The following C8orf34 variants were observed in gnomAD, a reference collection of about 807,000 sequenced individuals.
The protein encoded by C8orf34 is uncharacterized protein C8orf34.
In C8orf34, 65 loss-of-function variants were observed where a neutral mutation model predicts 68.3. That is an observed-to-expected ratio of 0.95 (90% CI 0.78 to 1.17). The LOEUF (loss-of-function observed/expected upper bound fraction) is 1.17. Among genes scored for constraint, C8orf34 ranks in the 50% most tolerant of loss-of-function variants. The pLI is 0.00. For missense variants in C8orf34, 664 were observed against 655.4 expected (o/e 1.01, Z -0.14); for synonymous variants, 244 against 241.2 (o/e 1.01, Z -0.11).
intron 1 of C8orf34, among the ~76,000 whole-genome samples, chr8:68,395,727 T>C (rs1285025555): frequency 6.6e-6 from 1 of 152,050 alleles, no homozygotes. Context: ...AACTATATTA[T>C]AAGAACAACT....
chr8:68,488,046 G>GATA lies in C8orf34; in HGVS notation c.762_764dup (p.Asp254_Lys255insAsn). On this transcript the variant is annotated inframe_insertion, in exon 5 of 14. Transcript: ENST00000518698. ...AGGTATTGCAATTTCAGATGAACTC[G>GATA]ATAAGGTAAGTTGAACTATACATCT... The GATA allele has an allele frequency of 1.9e-6, 3 of 1,589,976 alleles. No individual in the cohort carries two copies. Among genetic ancestry groups the GATA allele is most frequent in the Non-Finnish European group, 2.6e-6 (3 of 1,167,822 alleles).
At chr8:68,689,522 G>T (rs781305390) in intron 8 of C8orf34, among the ~76,000 whole-genome samples, 2 of 152,048 alleles carry the variant, frequency 1.3e-5, no homozygotes, top group South Asian at 2.1e-4. Flanking sequence ...TCGCCTTTCT[G>T]CAAGAAGCTC....
intron 3 of C8orf34, among the ~76,000 whole-genome samples, chr8:68,453,835 G>T (rs541378820): frequency 6.6e-6 from 1 of 152,062 alleles, no homozygotes; most frequent in Admixed American, 6.5e-5. Context: ...AAGCAGGAAG[G>T]TATCCTTTTC....
chr8:68,614,423 G>A (rs1196929330), intron 7 of C8orf34, among the ~76,000 whole-genome samples: 2 of 152,066 alleles, frequency 1.3e-5, no homozygotes, highest in Non-Finnish European at 2.9e-5. Context: ...ATGGTTTTAG[G>A]ACTAACATTT....
At chr8:68,741,931 A>G (rs1044907528) in intron 10 of C8orf34, among the ~76,000 whole-genome samples, 1 of 152,176 alleles carries the variant, frequency 6.6e-6, no homozygotes, top group Non-Finnish European at 1.5e-5. Flanking sequence ...TCAGTCACTG[A>G]GAATTTTGAC....
At chr8:68,466,672 C>T (rs895416469) in intron 3 of C8orf34, among the ~76,000 whole-genome samples, 3 of 148,426 alleles carry the variant, frequency 2.0e-5, no homozygotes, top group South Asian at 2.1e-4. Context: ...CAGGGTTTTG[C>T]GGCCATGAAA....
In C8orf34 at chr8:68,792,032, G is replaced by T. The variant is rs1212379459; in HGVS notation, c.1549+4496G>T. The T allele has an allele frequency of 2.0e-5, 3 of 152,028 alleles. No homozygotes were observed. The South Asian group carries it at 6.2e-4, about 32-fold the overall frequency. The allele number at this position is 152,028 out of a possible 1,614,324, so 9.4% of individuals were successfully genotyped here. On this transcript the variant is annotated intron_variant, in intron 12 of 13. Transcript: ENST00000518698. ...AAACCCCACATTATAATAACAATTG[G>T]CCAGCTTCATTAAAATTCACAGGGT...
At chr8:68,429,695 C>T (rs921868698) in intron 1 of C8orf34, among the ~76,000 whole-genome samples, 2 of 152,126 alleles carry the variant, frequency 1.3e-5, no homozygotes, top group Non-Finnish European at 2.9e-5. Context: ...GAAAATGAAT[C>T]AGACTAGAGC....
chr8:68,389,302 T>A (rs1808384703), intron 1 of C8orf34, among the ~76,000 whole-genome samples: 1 of 152,272 alleles, frequency 6.6e-6, no homozygotes, highest in Admixed American at 6.5e-5. Flanking sequence ...GCTCTTACTT[T>A]CCACATCTGT....
At chr8:68,793,624 T>C (rs1374168248) in intron 12 of C8orf34, among the ~76,000 whole-genome samples, 1 of 152,094 alleles carries the variant, frequency 6.6e-6, no homozygotes, top group Non-Finnish European at 1.5e-5. Context: ...TGAGAACACA[T>C]GGACACATGC....
intron 1 of C8orf34, among the ~76,000 whole-genome samples, chr8:68,391,064 G>A (rs1808461356): frequency 6.6e-6 from 1 of 152,104 alleles, no homozygotes; most frequent in South Asian, 2.1e-4. Context: ...ATAGATTAGT[G>A]TTTGATTAAA....
At position 68,451,085 on chromosome 8, in the gene C8orf34, C is replaced by T. The variant is rs545621310; in HGVS notation, c.607+4625C>T. Among the ~76,000 whole-genome samples, 22 of 152,236 alleles carry T rather than the reference C, an allele frequency of 1.4e-4. 1 individual carries two copies. The South Asian group carries it at 4.3e-3, about 30-fold the overall frequency. On this transcript the variant is annotated intron_variant, in intron 3 of 13. Coordinates refer to ENST00000518698, the MANE Select transcript of C8orf34 (RefSeq NM_052958.4). The stretch of plus-strand genomic sequence containing the variant: ...TCAGCACTTGCTACTTCATCTTACA[C>T]GTTTGTGTTATGGAGATGGCTTATT...
At chr8:68,707,736 T>G (rs1473714835) in intron 8 of C8orf34, among the ~76,000 whole-genome samples, 1 of 152,062 alleles carries the variant, frequency 6.6e-6, no homozygotes, top group Non-Finnish European at 1.5e-5. Context: ...CCACCACACC[T>G]GGCCTAGGGT....
chr8:68,747,479 G>A (rs1043528480), intron 10 of C8orf34, among the ~76,000 whole-genome samples: 3 of 146,812 alleles, frequency 2.0e-5, no homozygotes, highest in African/African-American at 7.7e-5. Context: ...TGTATATCTA[G>A]AAAACCCCAT....
At chr8:68,369,618 A>G (rs753237639) in intron 1 of C8orf34, among the ~76,000 whole-genome samples, 29 of 152,186 alleles carry the variant, frequency 1.9e-4, no homozygotes, top group Admixed American at 7.2e-4. Context: ...TGCATATCCA[A>G]TCTTATGGTT....
chr8:68,741,879 G>C (rs184841482), intron 10 of C8orf34, among the ~76,000 whole-genome samples: 2 of 152,202 alleles, frequency 1.3e-5, no homozygotes, highest in Admixed American at 1.3e-4. Context: ...TCTGTTGATT[G>C]ACATTTAGGT....
rs1223955779 is a variant in C8orf34, at chr8:68,463,289, G to A, written c.608-5403G>A. Among the ~76,000 whole-genome samples the A allele has an allele frequency of 3.9e-5, 6 of 152,070 alleles. No individual in the cohort carries two copies. In the East Asian group the frequency reaches 1.2e-3, roughly 29 times the overall value. ...ACCAATAACAGGCTCTGAAATTGTG[G>A]CAATAATCAATAGCTTACCAACCAA... On this transcript the variant is annotated intron_variant, in intron 3 of 13. Coordinates refer to ENST00000518698, the MANE Select transcript of C8orf34 (RefSeq NM_052958.4).
chr8:68,614,646 A>G (rs528290909), intron 7 of C8orf34, among the ~76,000 whole-genome samples: 11 of 152,170 alleles, frequency 7.2e-5, no homozygotes, highest in South Asian at 2.1e-4. Flanking sequence ...CCATTGATCT[A>G]TATCTCTGTT....
At chr8:68,588,933 C>T (rs1817285480) in intron 7 of C8orf34, among the ~76,000 whole-genome samples, 2 of 152,102 alleles carry the variant, frequency 1.3e-5, no homozygotes, top group African/African-American at 4.8e-5. Context: ...CTGTTACTAT[C>T]GTTCAGAGTA....
Sources: allele counts gnomAD v4.1 joint callset (sites outside exome capture counted in the v4.1 genomes callset), GRCh38; gene constraint gnomAD v4.1.1; transcripts MANE v1.5; gene names NCBI Gene and HGNC (gene_info 2026-07-23, HGNC 2026-07-21).